Variants in DOCK9 observed in about 807,000 individuals in gnomAD.
The protein encoded by DOCK9 is dedicator of cytokinesis 9.
DOCK9 carries 89 observed loss-of-function variants against 263.3 expected under a neutral mutation model. The observed-to-expected ratio is 0.34, with a 90% confidence interval of 0.28 to 0.40. The LOEUF (loss-of-function observed/expected upper bound fraction) is 0.40, where lower values mean the gene tolerates loss of function less well. Ranked by LOEUF, DOCK9 falls within the 10% of genes least tolerant of loss-of-function variation. The pLI is 1.00. For synonymous variants in DOCK9, 976 were observed against 973.1 expected, an observed-to-expected ratio of 1.00 and a Z score of -0.06; for missense variants, 2,140 against 2,603.4, an observed-to-expected ratio of 0.82 and a Z score of 3.87.
chr13:98,918,571 C>T (rs1189805154), intron 7 of DOCK9, among the ~76,000 whole-genome samples: 1 of 152,054 alleles, frequency 6.6e-6, no homozygotes, highest in Non-Finnish European at 1.5e-5. Context: ...TTTCGAATAA[C>T]ATCAGAACCT....
At chr13:98,974,062 C>A (rs2059988043) in intron 1 of DOCK9, among the ~76,000 whole-genome samples, 1 of 152,118 alleles carries the variant, frequency 6.6e-6, no homozygotes, top group South Asian at 2.1e-4. Flanking sequence ...GGCATATAAC[C>A]CAGCCTTTTT....
intron 25 of DOCK9, 23 bp downstream of exon 25, chr13:98,881,535 T>C (rs1346319062): frequency 6.3e-6 from 10 of 1,576,862 alleles, no homozygotes; most frequent in Non-Finnish European, 7.8e-6. Flanking sequence ...ATGTAAGTGA[T>C]CAGAACAGTG....
At chr13:99,087,190 G>A (rs1249442304), upstream of DOCK9, among the ~76,000 whole-genome samples, 1 of 152,134 alleles carries the variant, frequency 6.6e-6, no homozygotes. Context: ...GGGGCGCCGC[G>A]CGCTCGTGTG....
chr13:99,035,255 A>G (rs1887755884), intron 1 of DOCK9, among the ~76,000 whole-genome samples: 1 of 152,244 alleles, frequency 6.6e-6, no homozygotes, highest in African/African-American at 2.4e-5. Context: ...CTGAACTCCA[A>G]TCAAATGTAA....
intron 15 of DOCK9, among the ~76,000 whole-genome samples, chr13:98,891,333 C>T (rs2046588619): frequency 6.6e-6 from 1 of 152,128 alleles, no homozygotes; most frequent in South Asian, 2.1e-4. Context: ...GAATTCAACA[C>T]CACAACATAT....
intron 1 of DOCK9, among the ~76,000 whole-genome samples, chr13:98,961,194 G>C (rs2058601599): frequency 6.6e-6 from 1 of 152,198 alleles, no homozygotes; most frequent in Non-Finnish European, 1.5e-5. Context: ...CTTGGAGAGA[G>C]CAAAGAAGAA....
upstream of DOCK9, among the ~76,000 whole-genome samples, chr13:98,980,604 C>A (rs1257296263): frequency 1.3e-5 from 2 of 152,222 alleles, no homozygotes; most frequent in Non-Finnish European, 2.9e-5. Flanking sequence ...GTGCCTTGTG[C>A]AAAGCAGGTA....
intron 1 of DOCK9, among the ~76,000 whole-genome samples, chr13:99,078,434 C>T (rs571716474): frequency 2.6e-5 from 4 of 152,258 alleles, no homozygotes; most frequent in African/African-American, 4.8e-5. Flanking sequence ...TTCCACAGAA[C>T]GGAAGAGGGT....
intron 43 of DOCK9, among the ~76,000 whole-genome samples, chr13:98,827,249 T>C (rs1011715922): frequency 1.1e-4 from 17 of 152,318 alleles, no homozygotes; most frequent in South Asian, 4.1e-4. Flanking sequence ...AAACATGTGC[T>C]CCTCCCTAGA....
At chr13:98,892,222 T>C (rs767419780) in intron 15 of DOCK9, among the ~76,000 whole-genome samples, 26 of 152,130 alleles carry the variant, frequency 1.7e-4, no homozygotes, top group Non-Finnish European at 2.8e-4. Flanking sequence ...TTAGGAAAAT[T>C]TTCCCTTCCC....
chr13:98,905,590 TA>T (rs535356679), intron 9 of DOCK9, among the ~76,000 whole-genome samples: 225 of 145,734 alleles, frequency 1.5e-3, no homozygotes, highest in Non-Finnish European at 2.0e-3. Flanking sequence ...AGGGCATGAT[TA>T]AAAAAAAAAA....
At chr13:98,875,526 C>A (rs2043688952) in intron 27 of DOCK9, among the ~76,000 whole-genome samples, 1 of 152,180 alleles carries the variant, frequency 6.6e-6, no homozygotes, top group African/African-American at 2.4e-5. Context: ...TTCCAGTATA[C>A]CTGTGGAATG....
At chr13:99,061,126 A>C (rs1169298059) in intron 1 of DOCK9, among the ~76,000 whole-genome samples, 1 of 152,158 alleles carries the variant, frequency 6.6e-6, no homozygotes, top group African/African-American at 2.4e-5. Flanking sequence ...CTGAAAGTAT[A>C]CTCTACTGAC....
chr13:98,800,165 G>A, intron 50 of DOCK9, 123 bp downstream of exon 50: 1 of 1,041,930 alleles, frequency 9.6e-7, no homozygotes, highest in South Asian at 1.7e-5. Context: ...GTTGGGGGAA[G>A]GGAGCAGGGA....
intron 1 of DOCK9, among the ~76,000 whole-genome samples, chr13:99,041,341 A>G (rs1240877871): frequency 6.6e-6 from 1 of 152,170 alleles, no homozygotes; most frequent in Non-Finnish European, 1.5e-5. Flanking sequence ...AAAAATAGCC[A>G]TATGTGATGG....
chr13:98,837,448 A>T, intron 39 of DOCK9, 46 bp downstream of exon 39: 1 of 1,329,796 alleles, frequency 7.5e-7, no homozygotes, highest in Non-Finnish European at 1.1e-6. Context: ...AGCAGAATGA[A>T]TGTGAAAGGT....
chr13:98,986,765 C>A (rs1364001736), intron 1 of DOCK9, among the ~76,000 whole-genome samples: 1 of 152,152 alleles, frequency 6.6e-6, no homozygotes, highest in Non-Finnish European at 1.5e-5. Flanking sequence ...GGGGCTCACA[C>A]GTTGTTATTC....
chr13:98,933,436 T>A (rs1157938209), intron 2 of DOCK9, among the ~76,000 whole-genome samples: 5 of 152,202 alleles, frequency 3.3e-5, no homozygotes, highest in Admixed American at 1.3e-4. Flanking sequence ...CCTTCATGTA[T>A]GTTCCACAGG....
intron 1 of DOCK9, among the ~76,000 whole-genome samples, chr13:99,018,636 A>G (rs1447566811): frequency 6.6e-6 from 1 of 152,246 alleles, no homozygotes; most frequent in Non-Finnish European, 1.5e-5. Context: ...AGGTCTCATG[A>G]TAATAGAAGC....
Sources: gnomAD v4.1 joint callset for allele counts (sites outside exome capture counted in the v4.1 genomes callset) on GRCh38, gnomAD v4.1.1 for gene constraint, MANE v1.5 for transcripts, NCBI Gene and HGNC (gene_info 2026-07-23, HGNC 2026-07-21) for gene names.